ANKRD29: variants seen among roughly 807,000 people sequenced by gnomAD.
ANKRD29 encodes the protein ankyrin repeat domain-containing protein 29.
A neutral mutation model predicts 38.0 loss-of-function variants in ANKRD29; 32 were observed. The observed-to-expected ratio is 0.84, with a 90% CI of 0.64 to 1.13. The LOEUF (loss-of-function observed/expected upper bound fraction) is 1.13, where lower values mean the gene tolerates loss of function less well. ANKRD29 is among the 50% of genes most tolerant of loss of function. The probability of loss-of-function intolerance (pLI) is 0.00; values close to 1 mark genes in which losing one functional copy is unlikely to be tolerated. For synonymous variants in ANKRD29, 135 were observed against 152.4 expected (o/e 0.89, Z 0.84); for missense variants, 357 against 377.9 (o/e 0.94, Z 0.46).
chr18:23,654,414 G>A (rs921689951), intron 1 of ANKRD29, among the ~76,000 whole-genome samples: 1 of 151,884 alleles, frequency 6.6e-6, no homozygotes, highest in South Asian at 2.1e-4. Flanking sequence ...GAGCTCAGGA[G>A]TTCGAGACCA....
chr18:23,662,186 C>T (rs2060371730), intron 1 of ANKRD29, among the ~76,000 whole-genome samples: 1 of 152,188 alleles, frequency 6.6e-6, no homozygotes, highest in East Asian at 1.9e-4. Flanking sequence ...GGCAAATCAA[C>T]CTCTTTCATC....
At chr18:23,656,462 A>G (rs1443075567) in intron 1 of ANKRD29, among the ~76,000 whole-genome samples, 1 of 152,234 alleles carries the variant, frequency 6.6e-6, no homozygotes, top group Non-Finnish European at 1.5e-5. Context: ...GAAAAAGTTA[A>G]TCTGTGTTTC....
intron 1 of ANKRD29, among the ~76,000 whole-genome samples, chr18:23,655,909 C>T (rs1276177862): frequency 1.3e-5 from 2 of 149,100 alleles, no homozygotes; most frequent in African/African-American, 2.4e-5. Context: ...CCGGCTAAAA[C>T]GGTGAAACCC....
At position 23,634,165 on chromosome 18, in the gene ANKRD29, G is replaced by A. The variant is rs761890628; in HGVS notation, c.331-16C>T. On this transcript the variant is annotated splice_polypyrimidine_tract_variant and intron_variant, in intron 4 of 9. Transcript: ENST00000592179. Reference sequence around the variant, plus strand: ...TGCCCCCGTCCTATGGACATGCAAAGTATAAACACATTAGAGGTGGCGCAG... The same window carrying A: ...TGCCCCCGTCCTATGGACATGCAAAATATAAACACATTAGAGGTGGCGCAG... The A allele has an allele frequency of 6.2e-7, 1 of 1,603,738 alleles. No homozygotes were observed. Among genetic ancestry groups the A allele is most frequent in the Non-Finnish European group, 8.5e-7 (1 of 1,173,100 alleles).
intron 9 of ANKRD29, among the ~76,000 whole-genome samples, chr18:23,606,635 G>C (rs2059578490): frequency 6.6e-6 from 1 of 152,118 alleles, no homozygotes; most frequent in East Asian, 1.9e-4. Context: ...TAGACCCCCT[G>C]TATGGGTCAT....
intron 9 of ANKRD29, among the ~76,000 whole-genome samples, chr18:23,607,390 A>G (rs2145633476): frequency 6.6e-6 from 1 of 152,260 alleles, no homozygotes; most frequent in Middle Eastern, 3.4e-3. Flanking sequence ...ACACTCAGGA[A>G]TAACTGAGCT....
intron 3 of ANKRD29, among the ~76,000 whole-genome samples, chr18:23,645,744 C>A (rs1470392367): frequency 6.6e-6 from 1 of 152,122 alleles, no homozygotes; most frequent in Non-Finnish European, 1.5e-5. Context: ...TAATTCATGG[C>A]CAGTTAGAGA....
chr18:23,601,078 C>G lies in ANKRD29; in HGVS notation c.*148G>C, dbSNP rs994337921. On this transcript the variant is annotated 3_prime_UTR_variant, in exon 10 of 10. Coordinates refer to ENST00000592179, the MANE Select transcript of ANKRD29 (RefSeq NM_173505.4). ...TTGGTTCTTGACTTCGTGCACAGAGCGTAGCTCTTCTTTGTCAGGGACCCA... is the reference window on the plus strand; with the variant it reads ...TTGGTTCTTGACTTCGTGCACAGAGGGTAGCTCTTCTTTGTCAGGGACCCA... 1 of 678,630 alleles carries G rather than the reference C, an allele frequency of 1.5e-6. No homozygotes were observed. Among genetic ancestry groups the G allele is most frequent in the South Asian group, 1.9e-5 (1 of 51,368 alleles). 42.0% of individuals were successfully genotyped at this position (678,630 alleles called of 1,614,324 possible). A position where few individuals can be genotyped will look rare whatever the true frequency, so the allele number is the denominator to read the frequency against.
chr18:23,630,432 C>CA (rs56659545), intron 5 of ANKRD29, among the ~76,000 whole-genome samples: 89,342 of 151,272 alleles, frequency 0.59, 27,344 homozygotes, highest in Admixed American at 0.7. Context: ...CCTCAAAAAA[C>CA]AAAAAATCAA....
chr18:23,655,915 A>C (rs1345369824), intron 1 of ANKRD29, among the ~76,000 whole-genome samples: 1 of 148,754 alleles, frequency 6.7e-6, no homozygotes, highest in Non-Finnish European at 1.5e-5. Context: ...AAAACGGTGA[A>C]ACCCCGTCTC....
chr18:23,610,197 G>T (rs1436679679), intron 9 of ANKRD29, among the ~76,000 whole-genome samples: 1 of 152,154 alleles, frequency 6.6e-6, no homozygotes, highest in Non-Finnish European at 1.5e-5. Flanking sequence ...GTAGTTTATG[G>T]CTGGGCGCAG....
chr18:23,642,952 G>T (rs1652347), intron 3 of ANKRD29, among the ~76,000 whole-genome samples: 2,416 of 152,248 alleles, frequency 0.016, 56 homozygotes, highest in African/African-American at 0.057. Flanking sequence ...CCTGTAAAAA[G>T]ACCCTATAAA....
chr18:23,651,705 C>T (rs73967130), intron 1 of ANKRD29, among the ~76,000 whole-genome samples: 15,985 of 152,204 alleles, frequency 0.11, 1,709 homozygotes, highest in African/African-American at 0.23. Context: ...GATCTCTAGT[C>T]GGGGCCTCTC....
chr18:23,640,096 CAA>C (rs1275837824), intron 3 of ANKRD29, among the ~76,000 whole-genome samples: 2 of 152,124 alleles, frequency 1.3e-5, no homozygotes, highest in African/African-American at 4.8e-5. Flanking sequence ...CAATAAAAAA[CAA>C]TAAATTTTTT....
At chr18:23,625,328 A>C (rs1194147520) in intron 6 of ANKRD29, among the ~76,000 whole-genome samples, 2 of 152,138 alleles carry the variant, frequency 1.3e-5, no homozygotes. Context: ...GATGGGACTG[A>C]GGATAGGCAG....
In ANKRD29 at chr18:23,649,063, C is replaced by A. The variant is rs753530294; in HGVS notation, c.132+20G>T. ...AGGGCAATGGTGCATGCTGGGCATG[C>A]ATCTACCGAACCACCGTACGCTGTC... is the stretch of plus-strand genomic sequence containing the variant. On this transcript the variant is annotated intron_variant, in intron 2 of 9. Transcript: ENST00000592179. 2.9e-5 allele frequency: 47 copies of A among 1,606,436 alleles called. 1 individual carries two copies. In the South Asian group the frequency reaches 4.4e-4, roughly 15 times the overall value.
chr18:23,648,584 A>G, intron 2 of ANKRD29: 1 of 242,890 alleles, frequency 4.1e-6, no homozygotes, highest in Admixed American at 5.5e-5. Context: ...AGTGGGCAGT[A>G]GTATCTATTT....
chr18:23,625,633 A>C (rs1327908590), intron 6 of ANKRD29, among the ~76,000 whole-genome samples: 1 of 152,192 alleles, frequency 6.6e-6, no homozygotes, highest in Non-Finnish European at 1.5e-5. Context: ...CTAACATTGC[A>C]CTGGGTGTGT....
At chr18:23,646,401 A>G (rs1376035296) in intron 2 of ANKRD29, 114 bp from the exon 3 acceptor site, 3 of 795,206 alleles carry the variant, frequency 3.8e-6, no homozygotes, top group Non-Finnish European at 6.0e-6. Context: ...CAAGGGCAAA[A>G]TTCCCTGCAG....
Sources: gnomAD v4.1 joint callset for allele counts (sites outside exome capture counted in the v4.1 genomes callset) on GRCh38, gnomAD v4.1.1 for gene constraint, MANE v1.5 for transcripts, NCBI Gene and HGNC (gene_info 2026-07-23, HGNC 2026-07-21) for gene names.